Variants in PSEN1 observed in about 807,000 individuals in gnomAD.
The protein encoded by PSEN1 is presenilin 1.
PSEN1 carries 15 observed loss-of-function variants against 53.5 expected under a neutral mutation model. The ratio of observed to expected loss-of-function variants is 0.28; its 90% CI spans 0.19 to 0.43. The LOEUF (loss-of-function observed/expected upper bound fraction) is 0.43. PSEN1 is among the 20% of genes least tolerant of loss of function. The pLI is 1.00. For synonymous variants in PSEN1, 208 were observed against 209.8 expected (o/e 0.99, Z 0.08); for missense variants, 387 against 571.2 (o/e 0.68, Z 3.29).
intron 8 of PSEN1, among the ~76,000 whole-genome samples, chr14:73,204,061 C>T (rs575148584): frequency 1.1e-3 from 173 of 152,304 alleles, no homozygotes; most frequent in African/African-American, 3.9e-3. Flanking sequence ...TGCAATGGCA[C>T]GATCTCGGCT....
intron 5 of PSEN1, among the ~76,000 whole-genome samples, chr14:73,182,244 C>T (rs1027550812): frequency 6.6e-6 from 1 of 152,160 alleles, no homozygotes; most frequent in Non-Finnish European, 1.5e-5. Flanking sequence ...ACCAGTATGG[C>T]TGAGACCAGA....
At chr14:73,204,161 G>C (rs1246125352) in intron 8 of PSEN1, among the ~76,000 whole-genome samples, 3 of 151,884 alleles carry the variant, frequency 2.0e-5, no homozygotes, top group African/African-American at 7.3e-5. Context: ...ACCACACCGG[G>C]CTAATTTTGT....
At position 73,145,040 on chromosome 14, in the gene PSEN1, G is replaced by A. The variant is rs576074610; in HGVS notation, c.-135-2755G>A. Among the ~76,000 whole-genome samples the A allele has an allele frequency of 1.5e-3, 227 of 152,084 alleles. 1 individual carries two copies. Among genetic ancestry groups the A allele is most frequent in the African/African-American group, 3.5e-3 (146 of 41,496 alleles). ...CCTTAGTAGCTGGGATTACAGGCACGAGCTACCATGCCCAGCTAATTTTTG... is the reference window on the plus strand; with the variant it reads ...CCTTAGTAGCTGGGATTACAGGCACAAGCTACCATGCCCAGCTAATTTTTG... On this transcript the variant is annotated intron_variant, in intron 1 of 11. Coordinates refer to ENST00000324501, the MANE Select transcript of PSEN1 (RefSeq NM_000021.4).
intron 6 of PSEN1, among the ~76,000 whole-genome samples, chr14:73,189,189 G>T (rs917613711): frequency 7.2e-5 from 11 of 152,102 alleles, no homozygotes; most frequent in Non-Finnish European, 8.8e-5. Context: ...TATATAATTT[G>T]GAAAAGAAGG....
chr14:73,207,652 G>A (rs61986901), intron 9 of PSEN1, among the ~76,000 whole-genome samples: 2 of 152,182 alleles, frequency 1.3e-5, no homozygotes, highest in Non-Finnish European at 2.9e-5. Context: ...CTTAGGGTGT[G>A]ACTTTGCTAG....
chr14:73,207,429 G>A (rs1242843867), intron 9 of PSEN1, among the ~76,000 whole-genome samples: 1 of 152,140 alleles, frequency 6.6e-6, no homozygotes, highest in Admixed American at 6.5e-5. Flanking sequence ...GTAAATATTG[G>A]TGAGGAAAAA....
In PSEN1 at chr14:73,219,651, C is replaced by T. The variant is rs199801341; in HGVS notation, c.*362C>T. On this transcript the variant is annotated 3_prime_UTR_variant, in exon 12 of 12. Coordinates refer to ENST00000324501, the MANE Select transcript of PSEN1 (RefSeq NM_000021.4). ...TGACACTGCGAACTCTCAGGACTACCGTTACCAAGAGGTTAGGTGAAGTGG... is the reference window on the plus strand; with the variant it reads ...TGACACTGCGAACTCTCAGGACTACTGTTACCAAGAGGTTAGGTGAAGTGG... 1.5e-5 allele frequency: 5 copies of T among 326,648 alleles called. No homozygotes were observed. Among genetic ancestry groups the T allele is most frequent in the East Asian group, 1.5e-4 (2 of 13,184 alleles). 20.2% of individuals were successfully genotyped at this position (326,648 alleles called of 1,614,324 possible). A position where few individuals can be genotyped will look rare whatever the true frequency, so the allele number is the denominator to read the frequency against.
chr14:73,212,020 G>T, intron 10 of PSEN1, 78 bp downstream of exon 10: 3 of 1,131,622 alleles, frequency 2.7e-6, no homozygotes, highest in South Asian at 1.2e-5. Context: ...AGAATAAAAT[G>T]AATTGAGAGT....
At chr14:73,186,303 C>G (rs1898508220) in intron 5 of PSEN1, among the ~76,000 whole-genome samples, 1 of 152,070 alleles carries the variant, frequency 6.6e-6, no homozygotes. Flanking sequence ...TGCTTGAACC[C>G]TGGAGGCGGA....
chr14:73,201,799 T>G (rs990375615), intron 8 of PSEN1, among the ~76,000 whole-genome samples: 1 of 152,130 alleles, frequency 6.6e-6, no homozygotes, highest in Non-Finnish European at 1.5e-5. Flanking sequence ...CGGGCTAGAG[T>G]GCAGTGGTGT....
chr14:73,174,123 A>G (rs191448811), intron 5 of PSEN1: 22 of 224,320 alleles, frequency 9.8e-5, no homozygotes, highest in Admixed American at 3.2e-4. Context: ...TTGGATTTCA[A>G]TGCCTTTTTA....
At chr14:73,143,468 G>A (rs1003039319) in intron 1 of PSEN1, among the ~76,000 whole-genome samples, 2 of 152,126 alleles carry the variant, frequency 1.3e-5, no homozygotes, top group African/African-American at 4.8e-5. Context: ...CACCTTTTCT[G>A]AGTTTTTTTT....
intron 3 of PSEN1, among the ~76,000 whole-genome samples, chr14:73,151,878 TTATA>T (rs768963474): frequency 3.2e-4 from 18 of 56,908 alleles, no homozygotes; most frequent in South Asian, 7.0e-4. Context: ...CTAAAATATT[TTATA>T]TATATATATA....
intron 1 of PSEN1, among the ~76,000 whole-genome samples, chr14:73,142,045 C>T (rs139503683): frequency 0.023 from 3,430 of 148,206 alleles, 135 homozygotes; most frequent in African/African-American, 0.078. Context: ...CCAGCCTGGG[C>T]GACAGAGGGA....
intron 3 of PSEN1, among the ~76,000 whole-genome samples, chr14:73,150,163 A>G (rs1456961300): frequency 6.6e-6 from 1 of 152,136 alleles, no homozygotes; most frequent in Non-Finnish European, 1.5e-5. Context: ...GCTTTATTAA[A>G]CCTTAACATC....
At chr14:73,140,082 T>C (rs1031301387) in intron 1 of PSEN1, among the ~76,000 whole-genome samples, 3 of 152,194 alleles carry the variant, frequency 2.0e-5, no homozygotes, top group African/African-American at 7.2e-5. Context: ...ATAGAGTTAT[T>C]GAAATTAAAT....
intron 7 of PSEN1, among the ~76,000 whole-genome samples, chr14:73,196,899 TA>T (rs1388746488): frequency 1.3e-5 from 2 of 151,860 alleles, no homozygotes; most frequent in Non-Finnish European, 2.9e-5. Flanking sequence ...ATTATTTTTA[TA>T]TTTTTATATT....
chr14:73,162,654 C>G (rs2140015520), intron 3 of PSEN1, among the ~76,000 whole-genome samples: 1 of 151,886 alleles, frequency 6.6e-6, no homozygotes, highest in African/African-American at 2.4e-5. Flanking sequence ...GAATCTGTCT[C>G]AAAGATAAGA....
intron 7 of PSEN1, among the ~76,000 whole-genome samples, chr14:73,196,324 C>T (rs1398144125): frequency 6.6e-6 from 1 of 151,782 alleles, no homozygotes; most frequent in African/African-American, 2.4e-5. Context: ...CTCATTCAAA[C>T]AAATTGAGGT....
Sources: allele counts gnomAD v4.1 joint callset (sites outside exome capture counted in the v4.1 genomes callset), GRCh38; gene constraint gnomAD v4.1.1; transcripts MANE v1.5; gene names NCBI Gene and HGNC (gene_info 2026-07-23, HGNC 2026-07-21).